Variants in GRIK1 observed in about 807,000 individuals in gnomAD.
GRIK1 encodes glutamate ionotropic receptor kainate type subunit 1.
GRIK1 carries 69 observed loss-of-function variants against 105.7 expected under a neutral mutation model. The observed-to-expected ratio is 0.65, with a 90% CI of 0.54 to 0.80. The LOEUF is 0.80. Ranked by LOEUF, GRIK1 falls within the 30% of genes least tolerant of loss-of-function variation. The probability of loss-of-function intolerance (pLI) is 0.00; values close to 1 mark genes in which losing one functional copy is unlikely to be tolerated. For synonymous variants in GRIK1, 438 were observed against 431.3 expected, an observed-to-expected ratio of 1.02 and a Z score of -0.19; for missense variants, 1,109 against 1,167.3, an observed-to-expected ratio of 0.95 and a Z score of 0.73.
At chr21:29,781,491 C>G (rs1353218462) in intron 1 of GRIK1, among the ~76,000 whole-genome samples, 3 of 152,128 alleles carry the variant, frequency 2.0e-5, no homozygotes, top group African/African-American at 7.2e-5. Context: ...CTTCCCCACC[C>G]CAAGCTGGTG....
intron 1 of GRIK1, among the ~76,000 whole-genome samples, chr21:29,898,029 G>A (rs989507018): frequency 2.6e-5 from 4 of 152,264 alleles, no homozygotes; most frequent in East Asian, 3.9e-4. Flanking sequence ...TTACCAGGCC[G>A]AGTTAAATTT....
chr21:29,752,976 A>T (rs1237242667), intron 1 of GRIK1, among the ~76,000 whole-genome samples: 1 of 152,252 alleles, frequency 6.6e-6, no homozygotes, highest in Non-Finnish European at 1.5e-5. Context: ...TTGATATGAC[A>T]GGCTGCTCTA....
chr21:29,800,052 C>T (rs1029589715), intron 1 of GRIK1, among the ~76,000 whole-genome samples: 2 of 152,214 alleles, frequency 1.3e-5, no homozygotes, highest in African/African-American at 4.8e-5. Context: ...AGGGTCATAA[C>T]AGCTTGCAAA....
intron 16 of GRIK1, chr21:29,553,689 A>G: frequency 6.3e-7 from 1 of 1,579,382 alleles, no homozygotes; most frequent in Non-Finnish European, 8.6e-7. Flanking sequence ...TGCAGTCCAT[A>G]AAAGAAACAA....
chr21:29,832,470 C>T (rs188780166), intron 1 of GRIK1, among the ~76,000 whole-genome samples: 17 of 152,332 alleles, frequency 1.1e-4, no homozygotes, highest in Admixed American at 7.8e-4. Context: ...CATTTCCATA[C>T]ACCCTCTGAA....
chr21:29,543,110 A>G lies in GRIK1; in HGVS notation c.2608-5226T>C, dbSNP rs899319077. Among the ~76,000 whole-genome samples the G allele has an allele frequency of 2.3e-4, 35 of 151,086 alleles. 1 individual carries two copies. Among genetic ancestry groups the G allele is most frequent in the African/African-American group, 8.5e-4 (35 of 41,124 alleles). The stretch of plus-strand genomic sequence containing the variant: ...GAAAAATAATGGGATTATTATTACT[A>G]TTTTTTTTTGTCTTGGTCAAATTCC... On this transcript the variant is annotated intron_variant, in intron 16 of 17. Transcript: ENST00000327783.
chr21:29,819,189 G>T lies in GRIK1; in HGVS notation c.118+120194C>A, dbSNP rs115733343. ...GACAAGAAAGCTATTTTCCAAGTAGGCATGGATGATGATTATTTATTAGTT... is the reference window on the plus strand; with the variant it reads ...GACAAGAAAGCTATTTTCCAAGTAGTCATGGATGATGATTATTTATTAGTT... On this transcript the variant is annotated intron_variant, in intron 1 of 17. Coordinates refer to ENST00000327783, the MANE Select transcript of GRIK1 (RefSeq NM_001330994.2). Among the ~76,000 whole-genome samples the T allele has an allele frequency of 5.3e-3, 811 of 152,132 alleles. 10 individuals carry two copies. Among genetic ancestry groups the T allele is most frequent in the African/African-American group, 0.019 (776 of 41,512 alleles).
chr21:29,781,905 C>G (rs1174063634), intron 1 of GRIK1, among the ~76,000 whole-genome samples: 1 of 149,130 alleles, frequency 6.7e-6, no homozygotes, highest in East Asian at 2.0e-4. Context: ...CTCCTGACCT[C>G]ATGATCCACC....
intron 1 of GRIK1, among the ~76,000 whole-genome samples, chr21:29,757,314 G>A (rs1164099003): frequency 2.0e-5 from 3 of 152,042 alleles, no homozygotes; most frequent in African/African-American, 7.2e-5. Context: ...CAAAATCAGG[G>A]TAGAAGGTTT....
intron 1 of GRIK1, among the ~76,000 whole-genome samples, chr21:29,915,669 A>G (rs1283275869): frequency 6.6e-6 from 1 of 152,062 alleles, no homozygotes; most frequent in Non-Finnish European, 1.5e-5. Flanking sequence ...TCACCACCAT[A>G]GGATCTGAGT....
intron 1 of GRIK1, among the ~76,000 whole-genome samples, chr21:29,871,434 CTTGT>C (rs1427882227): frequency 6.6e-6 from 1 of 152,114 alleles, no homozygotes; most frequent in Non-Finnish European, 1.5e-5. Context: ...GATTAAACAA[CTTGT>C]TTAAGTAGCT....
At chr21:29,557,648 G>T (rs1430957191) in intron 15 of GRIK1, among the ~76,000 whole-genome samples, 2 of 152,248 alleles carry the variant, frequency 1.3e-5, no homozygotes, top group Middle Eastern at 3.4e-3. Flanking sequence ...AAAATGCTTT[G>T]GAGTGAAATT....
At chr21:29,600,755 T>C (rs2061502968) in intron 7 of GRIK1, among the ~76,000 whole-genome samples, 1 of 152,228 alleles carries the variant, frequency 6.6e-6, no homozygotes, top group Non-Finnish European at 1.5e-5. Flanking sequence ...TTTTAACATT[T>C]ATTGTTTTTA....
At chr21:29,809,598 G>GT (rs1306748543) in intron 1 of GRIK1, among the ~76,000 whole-genome samples, 1 of 152,164 alleles carries the variant, frequency 6.6e-6, no homozygotes, top group Non-Finnish European at 1.5e-5. Flanking sequence ...CAATAAGGCT[G>GT]TTTTGCTTTC....
intron 1 of GRIK1, among the ~76,000 whole-genome samples, chr21:29,860,778 T>A (rs2068611361): frequency 6.6e-6 from 1 of 152,172 alleles, no homozygotes; most frequent in Admixed American, 6.5e-5. Flanking sequence ...AACATCTAGA[T>A]CCATAGTTTT....
intron 16 of GRIK1, among the ~76,000 whole-genome samples, chr21:29,547,489 C>T (rs1255147034): frequency 2.0e-5 from 3 of 152,230 alleles, no homozygotes; most frequent in Admixed American, 2.0e-4. Context: ...AATGCAACCT[C>T]CTCATTCCAC....
intron 3 of GRIK1, among the ~76,000 whole-genome samples, chr21:29,679,104 C>A (rs879931574): frequency 3.3e-5 from 5 of 152,292 alleles, no homozygotes; most frequent in Middle Eastern, 3.4e-3. Context: ...TAGGACAGTG[C>A]ACATAGTCAG....
Position 29,623,585 on chromosome 21 carries a change from C to T in GRIK1, c.1098+19241G>A, listed in dbSNP as rs138885775. ...TTTATTTTATCTTCCTTTACTTCTT[C>T]GTTTTTATCTTTAATTGCTCAATGT... On this transcript the variant is annotated intron_variant, in intron 7 of 17. Transcript: ENST00000327783. Among the ~76,000 whole-genome samples, 580 of 152,216 alleles carry T rather than the reference C, an allele frequency of 3.8e-3. 1 individual carries two copies. The highest frequency in any genetic ancestry group is 0.013 in the African/African-American group (553 of 41,564).
At chr21:29,746,010 A>C (rs1040041980) in intron 1 of GRIK1, among the ~76,000 whole-genome samples, 1 of 152,166 alleles carries the variant, frequency 6.6e-6, no homozygotes, top group African/African-American at 2.4e-5. Context: ...AGGCTGAGGC[A>C]GGAGAATGGC....
Sources: gnomAD v4.1 joint callset for allele counts (sites outside exome capture counted in the v4.1 genomes callset) on GRCh38, gnomAD v4.1.1 for gene constraint, MANE v1.5 for transcripts, NCBI Gene and HGNC (gene_info 2026-07-23, HGNC 2026-07-21) for gene names.